Variants in FGF14 observed in about 807,000 individuals in gnomAD.
The protein encoded by FGF14 is fibroblast growth factor 14, also known as fibroblast growth factor homologous factor 4.
Under a neutral mutation model 25.5 loss-of-function variants are expected in FGF14, and 5 were observed. The observed-to-expected ratio is 0.20, with a 90% CI of 0.10 to 0.41. FGF14 has a LOEUF of 0.41. FGF14 is among the 10% of genes least tolerant of loss of function. FGF14 has a pLI of 1.00. For missense variants in FGF14, 222 were observed against 320.1 expected, an observed-to-expected ratio of 0.69 and a Z score of 2.34; for synonymous variants, 138 against 118.3, an observed-to-expected ratio of 1.17 and a Z score of -1.08.
chr13:101,743,903 T>C (rs1051928291), intron 3 of FGF14, among the ~76,000 whole-genome samples: 30 of 152,154 alleles, frequency 2.0e-4, no homozygotes, highest in African/African-American at 6.0e-4. Flanking sequence ...TATTTGAATA[T>C]AGTATTTAAC....
intron 1 of FGF14, among the ~76,000 whole-genome samples, chr13:101,999,593 C>T (rs2039371240): frequency 6.6e-6 from 1 of 152,134 alleles, no homozygotes; most frequent in South Asian, 2.1e-4. Flanking sequence ...GAGCTTTGAC[C>T]TGAATTCCAC....
chr13:101,808,759 C>T (rs2041339194), intron 3 of FGF14, among the ~76,000 whole-genome samples: 2 of 151,964 alleles, frequency 1.3e-5, no homozygotes, highest in South Asian at 4.1e-4. Context: ...CAGGTAAAGA[C>T]TTTAAGCATA....
At chr13:102,098,186 AAG>A (rs571909704) in intron 1 of FGF14, among the ~76,000 whole-genome samples, 95 of 152,352 alleles carry the variant, frequency 6.2e-4, no homozygotes, top group Middle Eastern at 3.4e-3. Context: ...CATCAGCAAC[AAG>A]AGTTTCCTTT....
chr13:102,200,924 A>G, intron 1 of FGF14, among the ~76,000 whole-genome samples: 1 of 151,872 alleles, frequency 6.6e-6, no homozygotes, highest in East Asian at 1.9e-4. Flanking sequence ...AACATGGTGA[A>G]ACCCCGTCTC....
chr13:101,770,494 C>T (rs1046158191), intron 3 of FGF14, among the ~76,000 whole-genome samples: 1 of 151,944 alleles, frequency 6.6e-6, no homozygotes, highest in Non-Finnish European at 1.5e-5. Flanking sequence ...AAAGAATAGC[C>T]TGAAATACTA....
chr13:102,229,452 T>C (rs1369153190), intron 1 of FGF14, among the ~76,000 whole-genome samples: 1 of 152,196 alleles, frequency 6.6e-6, no homozygotes, highest in Non-Finnish European at 1.5e-5. Flanking sequence ...AATGAACTTA[T>C]ATTTTGTGGG....
intron 1 of FGF14, among the ~76,000 whole-genome samples, chr13:101,884,091 A>C: frequency 6.7e-6 from 1 of 149,106 alleles, no homozygotes; most frequent in African/African-American, 2.5e-5. Context: ...AAAAAAAGAC[A>C]AGGAAATGGA....
intron 1 of FGF14, among the ~76,000 whole-genome samples, chr13:102,165,775 C>T (rs972154410): frequency 2.7e-5 from 4 of 149,866 alleles, no homozygotes; most frequent in Non-Finnish European, 5.9e-5. Flanking sequence ...GTAACCTACA[C>T]GTTGTGCACA....
intron 3 of FGF14, among the ~76,000 whole-genome samples, chr13:101,744,311 C>T (rs1357642590): frequency 6.6e-6 from 1 of 152,000 alleles, no homozygotes; most frequent in Non-Finnish European, 1.5e-5. Flanking sequence ...CCACCTAATT[C>T]AGGGCTGCTA....
chr13:101,823,099 T>G (rs866895588), intron 3 of FGF14, among the ~76,000 whole-genome samples: 19 of 152,210 alleles, frequency 1.2e-4, no homozygotes, highest in African/African-American at 3.4e-4. Flanking sequence ...TGTGTATACA[T>G]TCATCCTTTC....
chr13:102,220,885 G>A (rs1196548647), intron 1 of FGF14, among the ~76,000 whole-genome samples: 1 of 152,140 alleles, frequency 6.6e-6, no homozygotes, highest in African/African-American at 2.4e-5. Context: ...CTCTTTAGCG[G>A]TATAATCTTG....
intron 1 of FGF14, among the ~76,000 whole-genome samples, chr13:102,134,841 A>C (rs1212819582): frequency 1.3e-5 from 2 of 152,180 alleles, no homozygotes; most frequent in Non-Finnish European, 2.9e-5. Flanking sequence ...GGTCCCTTCT[A>C]GATTCTTAAA....
chr13:102,148,356 ACTTT>A (rs1029410324), intron 1 of FGF14, among the ~76,000 whole-genome samples: 1 of 152,188 alleles, frequency 6.6e-6, no homozygotes, highest in Non-Finnish European at 1.5e-5. Flanking sequence ...TTAAAATGAT[ACTTT>A]CTTACTATAT....
At chr13:101,977,634 C>T (rs1336614250) in intron 1 of FGF14, among the ~76,000 whole-genome samples, 1 of 152,072 alleles carries the variant, frequency 6.6e-6, no homozygotes. Flanking sequence ...GAGCAGATGA[C>T]CCCAGGAACC....
intron 1 of FGF14, among the ~76,000 whole-genome samples, chr13:101,969,379 C>T (rs575548714): frequency 1.9e-4 from 29 of 152,102 alleles, no homozygotes; most frequent in Admixed American, 9.2e-4. Context: ...CTGGCTAACA[C>T]GGTGAATCCC....
rs925301098 is a variant in FGF14, at chr13:101,955,790, G to A, written c.209-80494C>T. ...CTTTGCTCCAACATAAAAGGGAAGA[G>A]ACACTTGATGAAGAAAGCAGTTCCA... On this transcript the variant is annotated intron_variant, in intron 1 of 4. Coordinates refer to the FGF14 transcript ENST00000376131. 6.6e-5 allele frequency among the ~76,000 whole-genome samples: 10 copies of A among 152,330 alleles called. No homozygotes were observed. In the East Asian group the frequency reaches 1.5e-3, roughly 23 times the overall value.
At chr13:102,153,175 G>A (rs1374846390) in intron 1 of FGF14, among the ~76,000 whole-genome samples, 1 of 152,204 alleles carries the variant, frequency 6.6e-6, no homozygotes, top group African/African-American at 2.4e-5. Context: ...AGGGAGGCTG[G>A]AGGAGAAAGA....
At chr13:102,278,107 C>T (rs1392852892) in intron 1 of FGF14, among the ~76,000 whole-genome samples, 1 of 152,174 alleles carries the variant, frequency 6.6e-6, no homozygotes, top group Non-Finnish European at 1.5e-5. Flanking sequence ...TACCAGCTTC[C>T]ATAATTGAAT....
In FGF14 at chr13:102,253,683, G is replaced by A. The variant is rs143186365; in HGVS notation, c.208+147788C>T. On this transcript the variant is annotated intron_variant, in intron 1 of 4. Coordinates refer to the FGF14 transcript ENST00000376131. ...TCTTTAGTTTAATAAGATCCCATGT[G>A]TCTATTTTGGCTTTTGCTGTACTCT... is the stretch of plus-strand genomic sequence containing the variant. 1.8e-3 allele frequency among the ~76,000 whole-genome samples: 267 copies of A among 152,176 alleles called. 1 individual carries two copies. The highest frequency in any genetic ancestry group is 2.5e-3 in the Non-Finnish European group (171 of 67,992).
Sources: gnomAD v4.1 joint callset for allele counts (sites outside exome capture counted in the v4.1 genomes callset) on GRCh38, gnomAD v4.1.1 for gene constraint, MANE v1.5 for transcripts, NCBI Gene and HGNC (gene_info 2026-07-23, HGNC 2026-07-21) for gene names.